The following CLPTM1L variants were observed in gnomAD, a reference collection of about 807,000 sequenced individuals.
CLPTM1L encodes lipid scramblase CLPTM1L.
In CLPTM1L, 38 loss-of-function variants were observed where a neutral mutation model predicts 70.9. The ratio of observed to expected loss-of-function variants is 0.54; its 90% confidence interval spans 0.41 to 0.70. CLPTM1L has a LOEUF of 0.70. Ranked by LOEUF, CLPTM1L falls within the 30% of genes least tolerant of loss-of-function variation. The pLI is 0.00. For synonymous variants in CLPTM1L, 339 were observed against 299.9 expected (o/e 1.13, Z -1.35); for missense variants, 652 against 705.9 (o/e 0.92, Z 0.87).
rs1036611748 is a variant in CLPTM1L at position 1,325,604 on chromosome 5, G to C, written c.1146+147C>G. 47 of 693,748 alleles carry C rather than the reference G, an allele frequency of 6.8e-5. No individual in the cohort carries two copies. In the African/African-American group the frequency reaches 7.7e-4, roughly 11 times the overall value. The allele number at this position is 693,748 out of a possible 1,614,324, so 43.0% of individuals were successfully genotyped here. Reference sequence around the variant, plus strand: ...CAGGCGAAGAGAGTGGCTGCGATCAGAAACCAGTGCTGCCTCCACCACGGA... The same window carrying C: ...CAGGCGAAGAGAGTGGCTGCGATCACAAACCAGTGCTGCCTCCACCACGGA... On this transcript the variant is annotated intron_variant, in intron 10 of 16. Coordinates refer to ENST00000320895, the MANE Select transcript of CLPTM1L (RefSeq NM_030782.5).
chr5:1,323,715 G>A (rs559687363), intron 12 of CLPTM1L, 72 bp downstream of exon 12: 41 of 1,366,428 alleles, frequency 3.0e-5, no homozygotes, highest in Admixed American at 3.5e-5. Flanking sequence ...GTCGCACCCC[G>A]CTCTGGCTCA....
rs1561243496 is a variant in CLPTM1L at position 1,333,197 on chromosome 5, TAAGGGGG to T, written c.891+1085_891+1091del. The stretch of plus-strand genomic sequence containing the variant: ...CTACTGTATACACACCGGATGAGGA[TAAGGGGG>T]GACTACTGTAGACACACCGGATAAG... On this transcript the variant is annotated intron_variant, in intron 7 of 16. Transcript: ENST00000320895. Among the ~76,000 whole-genome samples, 11 of 32,104 alleles carry T rather than the reference TAAGGGGG, an allele frequency of 3.4e-4. 4 individuals carry two copies. Among genetic ancestry groups the T allele is most frequent in the African/African-American group, 1.0e-3 (4 of 3,838 alleles). 21.1% of individuals were successfully genotyped at this position (32,104 alleles called of 152,430 possible).
chr5:1,321,483 T>C, intron 15 of CLPTM1L, 152 bp downstream of exon 15: 4 of 699,724 alleles, frequency 5.7e-6, no homozygotes, highest in Non-Finnish European at 9.9e-6. Flanking sequence ...CGCTTTTTTT[T>C]TTAAAGGAGC....
At chr5:1,338,551 G>A (rs367875118) in intron 4 of CLPTM1L, among the ~76,000 whole-genome samples, 2 of 152,254 alleles carry the variant, frequency 1.3e-5, no homozygotes, top group Non-Finnish European at 2.9e-5. Flanking sequence ...AATAAGCCAA[G>A]TTAAAAAATC....
chr5:1,323,489 G>C (rs976688077), intron 12 of CLPTM1L, among the ~76,000 whole-genome samples: 3 of 151,998 alleles, frequency 2.0e-5, no homozygotes, highest in African/African-American at 7.3e-5. Context: ...TCTCAGCTCA[G>C]GGCCAGCACC....
chr5:1,338,955 G>A lies in CLPTM1L; in HGVS notation c.504C>T (p.Ser168=). The change falls in exon 4 of 17, where the codon TCC becomes TCT. Residue 168 remains serine (S), a synonymous_variant. Transcript: ENST00000320895. ...KPTSALDEPV[S]HWRPRLALNV... ...TCAGCGCCAGCCGCGGTCGCCAGTG[G>A]GACACTGGCTCATCCAGGGCACTCG... 1 of 1,613,386 alleles carries A rather than the reference G, an allele frequency of 6.2e-7. No individual in the cohort carries two copies. Among genetic ancestry groups the A allele is most frequent in the Non-Finnish European group, 8.5e-7 (1 of 1,180,024 alleles).
chr5:1,331,945 G>A, intron 7 of CLPTM1L, 62 bp from the exon 8 acceptor site: 1 of 1,384,704 alleles, frequency 7.2e-7, no homozygotes, highest in Non-Finnish European at 1.0e-6. Context: ...CTGTGAGACA[G>A]AGATAGAGGC....
At chr5:1,338,388 C>T (rs980338810) in intron 4 of CLPTM1L, 3 of 274,900 alleles carry the variant, frequency 1.1e-5, no homozygotes, top group South Asian at 1.1e-4. Flanking sequence ...ACCTGGGAGG[C>T]GGAGCTGTGG....
intron 7 of CLPTM1L, 32 bp downstream of exon 7, chr5:1,334,257 G>T (rs760455859): frequency 1.3e-6 from 2 of 1,566,006 alleles, no homozygotes; most frequent in South Asian, 1.1e-5. Flanking sequence ...CCCCCCAAGT[G>T]CCTGCGGCAA....
chr5:1,326,498 A>G (rs1424575183), intron 9 of CLPTM1L: 2 of 241,684 alleles, frequency 8.3e-6, no homozygotes, highest in South Asian at 4.5e-5. Context: ...CCTCCTCTAC[A>G]GGGACATTCC....
intron 9 of CLPTM1L, among the ~76,000 whole-genome samples, chr5:1,328,463 C>G (rs1752797255): frequency 6.7e-6 from 1 of 149,176 alleles, no homozygotes; most frequent in Admixed American, 6.6e-5. Context: ...TCCAGCTCCT[C>G]CTCTGCAGAC....
chr5:1,344,892 C>T lies in CLPTM1L; in HGVS notation c.-51G>A. 9.9e-7 allele frequency: 1 copy of T among 1,009,770 alleles called. No homozygotes were observed. The highest frequency in any genetic ancestry group is 1.2e-6 in the Non-Finnish European group (1 of 840,836). The allele number at this position is 1,009,770 out of a possible 1,614,324, so 62.6% of individuals were successfully genotyped here. On this transcript the variant is annotated 5_prime_UTR_variant, in exon 1 of 17. Coordinates refer to ENST00000320895, the MANE Select transcript of CLPTM1L (RefSeq NM_030782.5). ...GCCCGCCCGCCTCTCAGCCGCGAGC[C>T]CCGCCCGCCCGGCGCCCAGCCCGCC...
rs1481582944 is a variant in CLPTM1L, at chr5:1,342,258, C to T, written c.264-398G>A. The stretch of plus-strand genomic sequence containing the variant: ...ACTGAATCACCCAACTCCGAAGCGA[C>T]AGAAGGGAAGGGCAGCAGCCACGAG... On this transcript the variant is annotated intron_variant, in intron 2 of 16. Transcript: ENST00000320895. The surrounding 1 kb of genome is among the most constrained non-coding windows in gnomAD (Gnocchi z 4.3). Among the ~76,000 whole-genome samples, 1 of 152,180 alleles carries T rather than the reference C, an allele frequency of 6.6e-6. No individual in the cohort carries two copies. The highest frequency in any genetic ancestry group is 6.5e-5 in the Admixed American group (1 of 15,290).
intron 12 of CLPTM1L, among the ~76,000 whole-genome samples, chr5:1,323,240 A>C (rs1386326200): frequency 6.9e-6 from 1 of 145,584 alleles, no homozygotes; most frequent in African/African-American, 2.6e-5. Context: ...CGGGCACTCC[A>C]GGAACCCCTC....
Position 1,320,509 on chromosome 5 carries a change from C to T in CLPTM1L, c.1532+107G>A. 4 of 580,388 alleles carry T rather than the reference C, an allele frequency of 6.9e-6. 1 individual carries two copies. The highest frequency in any genetic ancestry group is 1.1e-5 in the Non-Finnish European group (4 of 350,946). The allele number at this position is 580,388 out of a possible 1,614,324, so 36.0% of individuals were successfully genotyped here. On this transcript the variant is annotated intron_variant, in intron 16 of 16. Coordinates refer to ENST00000320895, the MANE Select transcript of CLPTM1L (RefSeq NM_030782.5). ...CCACCACCTGCAAATTATCTTTTCC[C>T]TCAAATGGATAAACAGGCGCAGGGT...
chr5:1,320,809 C>G, intron 15 of CLPTM1L, 78 bp from the exon 16 acceptor site: 1 of 761,762 alleles, frequency 1.3e-6, no homozygotes, highest in Non-Finnish European at 2.1e-6. Context: ...CCTAACCAAG[C>G]CAACGGCTTT....
chr5:1,335,267 T>C, intron 5 of CLPTM1L, 93 bp from the exon 6 acceptor site: 2 of 987,750 alleles, frequency 2.0e-6, no homozygotes, highest in South Asian at 1.4e-5. Flanking sequence ...CCCCTTCCCA[T>C]CCCTGTGTGG....
At chr5:1,322,961 C>T (rs889786197) in intron 12 of CLPTM1L, 50 bp from the exon 13 acceptor site, 1 of 1,506,974 alleles carries the variant, frequency 6.6e-7, no homozygotes, top group African/African-American at 1.4e-5. Flanking sequence ...AGCTTAATAT[C>T]TGTATTAAAT....
rs547031003 is a variant in CLPTM1L, at chr5:1,342,579, T to C, written c.264-719A>G. ...TCCACCTGTTTACGGTTACATGAGT[T>C]CTTCTTCCTCTTTAAAAGTCTCTTT... is the stretch of plus-strand genomic sequence containing the variant. On this transcript the variant is annotated intron_variant, in intron 2 of 16. Transcript: ENST00000320895. This position sits in a 1 kb window ranked among gnomAD's most constrained non-coding sequence, Gnocchi z 4.3. Among the ~76,000 whole-genome samples, 1 of 152,328 alleles carries C rather than the reference T, an allele frequency of 6.6e-6. No individual in the cohort carries two copies. The highest frequency in any genetic ancestry group is 1.9e-4 in the East Asian group (1 of 5,182).
Sources: gnomAD v4.1 joint callset for allele counts (sites outside exome capture counted in the v4.1 genomes callset) on GRCh38, gnomAD v4.1.1 for gene constraint, Gnocchi (gnomAD v3.1) non-coding constraint, MANE v1.5 for transcripts, NCBI Gene and HGNC (gene_info 2026-07-23, HGNC 2026-07-21) for gene names.